The following TAFA2 variants were observed in gnomAD, a reference collection of about 807,000 sequenced individuals.
TAFA2 encodes the protein TAFA chemokine like family member 2, also known as chemokine-like protein TAFA-2.
In TAFA2, 7 loss-of-function variants were observed where a neutral mutation model predicts 18.8. The observed-to-expected ratio is 0.37, with a 90% confidence interval of 0.21 to 0.70. The LOEUF (loss-of-function observed/expected upper bound fraction) is 0.70. Among genes scored for constraint, TAFA2 ranks in the 30% least tolerant of loss-of-function variants. The pLI is 0.53. For synonymous variants in TAFA2, 60 were observed against 54.2 expected, an observed-to-expected ratio of 1.11 and a Z score of -0.47; for missense variants, 122 against 158.1, an observed-to-expected ratio of 0.77 and a Z score of 1.23.
chr12:61,940,219 A>G (rs1281615250), intron 1 of TAFA2, among the ~76,000 whole-genome samples: 1 of 152,222 alleles, frequency 6.6e-6, no homozygotes, highest in African/African-American at 2.4e-5. Flanking sequence ...GTGCAATTGC[A>G]TAAGGTCCCA....
chr12:62,251,545 A>G (rs1212824901), intron 1 of TAFA2, among the ~76,000 whole-genome samples: 1 of 152,230 alleles, frequency 6.6e-6, no homozygotes, highest in African/African-American at 2.4e-5. Context: ...AGTGCCCTGA[A>G]AGCAGACTCT....
At chr12:62,183,005 AAGAT>A (rs1331535306) in intron 1 of TAFA2, among the ~76,000 whole-genome samples, 1 of 152,214 alleles carries the variant, frequency 6.6e-6, no homozygotes, top group Non-Finnish European at 1.5e-5. Context: ...TTTGTATACT[AAGAT>A]AGCCCAAACA....
chr12:62,079,444 G>C (rs1481846411), intron 1 of TAFA2, among the ~76,000 whole-genome samples: 1 of 151,450 alleles, frequency 6.6e-6, no homozygotes, highest in African/African-American at 2.4e-5. Flanking sequence ...CCTGAGGTCA[G>C]GAGTTTGAGA....
chr12:62,170,778 C>A (rs1002193109), intron 1 of TAFA2, among the ~76,000 whole-genome samples: 7 of 152,162 alleles, frequency 4.6e-5, no homozygotes, highest in Admixed American at 1.3e-4. Context: ...TTACCTCCTT[C>A]CCACCCTCCA....
intron 1 of TAFA2, among the ~76,000 whole-genome samples, chr12:62,006,964 T>C (rs918795365): frequency 1.3e-5 from 2 of 152,204 alleles, no homozygotes; most frequent in Admixed American, 1.3e-4. Flanking sequence ...TAAGACTAAA[T>C]GGACTATATA....
chr12:61,953,875 C>G (rs955111275), intron 1 of TAFA2, among the ~76,000 whole-genome samples: 2 of 152,056 alleles, frequency 1.3e-5, no homozygotes, highest in African/African-American at 4.8e-5. Flanking sequence ...GTAGTCACCG[C>G]ACTACACAGG....
At chr12:61,929,562 G>A (rs1877463147) in intron 1 of TAFA2, among the ~76,000 whole-genome samples, 1 of 152,072 alleles carries the variant, frequency 6.6e-6, no homozygotes, top group African/African-American at 2.4e-5. Flanking sequence ...TGGTGGGACT[G>A]TAAACTAGTT....
At chr12:62,045,351 T>C (rs987681537) in intron 1 of TAFA2, among the ~76,000 whole-genome samples, 1 of 152,118 alleles carries the variant, frequency 6.6e-6, no homozygotes, top group African/African-American at 2.4e-5. Context: ...AAATACTATA[T>C]GCTTTTGGCT....
chr12:61,712,386 T>C (rs891137583), intron 4 of TAFA2, among the ~76,000 whole-genome samples: 1 of 152,172 alleles, frequency 6.6e-6, no homozygotes, highest in Admixed American at 6.6e-5. Context: ...TTTGCTCTCA[T>C]ATAATTTTGA....
At chr12:61,922,759 C>A (rs1481236926) in intron 1 of TAFA2, among the ~76,000 whole-genome samples, 1 of 152,122 alleles carries the variant, frequency 6.6e-6, no homozygotes, top group Non-Finnish European at 1.5e-5. Flanking sequence ...CCATTCACTC[C>A]CATGGAAAGG....
At position 62,038,675 on chromosome 12, in the gene TAFA2, C is replaced by T. The variant is rs1881675979; in HGVS notation, c.-2+152584G>A. Among the ~76,000 whole-genome samples, 4 of 152,026 alleles carry T rather than the reference C, an allele frequency of 2.6e-5. No individual in the cohort carries two copies. In the South Asian group the frequency reaches 8.3e-4, roughly 32 times the overall value. ...GCAATAAAATTTTTTAAAGAAAAAC[C>T]CCTAGACATACAAAAAGAAAGGGAA... is the stretch of plus-strand genomic sequence containing the variant. On this transcript the variant is annotated intron_variant, in intron 1 of 4. Transcript: ENST00000416284.
chr12:61,906,014 G>A (rs1876333380), intron 1 of TAFA2, among the ~76,000 whole-genome samples: 2 of 152,116 alleles, frequency 1.3e-5, no homozygotes, highest in South Asian at 4.1e-4. Flanking sequence ...AACAAAGAAA[G>A]TATACTAATT....
chr12:62,246,557 C>T (rs1050946620), intron 1 of TAFA2, among the ~76,000 whole-genome samples: 1 of 152,152 alleles, frequency 6.6e-6, no homozygotes, highest in Admixed American at 6.5e-5. Flanking sequence ...TGTATCTTTA[C>T]TAATTTTTGC....
chr12:62,176,644 G>A (rs983692921), intron 1 of TAFA2, among the ~76,000 whole-genome samples: 2 of 151,932 alleles, frequency 1.3e-5, no homozygotes, highest in African/African-American at 2.4e-5. Flanking sequence ...ACATAACAAC[G>A]CTTTTCATCA....
chr12:62,190,558 G>A (rs1288755143), intron 1 of TAFA2, among the ~76,000 whole-genome samples: 3 of 152,172 alleles, frequency 2.0e-5, no homozygotes, highest in Non-Finnish European at 2.9e-5. Context: ...AACGCTGTTC[G>A]TTAAGAGAAT....
intron 1 of TAFA2, among the ~76,000 whole-genome samples, chr12:62,103,698 G>A (rs987094174): frequency 7.3e-5 from 11 of 150,328 alleles, no homozygotes; most frequent in East Asian, 5.9e-4. Flanking sequence ...CCAAGATTGC[G>A]CCATTGAACT....
At chr12:62,098,766 T>A (rs1869058862) in intron 1 of TAFA2, among the ~76,000 whole-genome samples, 1 of 152,086 alleles carries the variant, frequency 6.6e-6, no homozygotes, top group South Asian at 2.1e-4. Context: ...GATATCGAAA[T>A]CCATCAGAGA....
chr12:61,884,389 G>A lies in TAFA2; in HGVS notation c.-1-16963C>T, dbSNP rs903475322. ...ACATCTCCAAAGAAAGCCCATCAAC[G>A]AGCTCTTTGGGTAATATATTTGACA... On this transcript the variant is annotated intron_variant, in intron 1 of 4. Transcript: ENST00000416284. 3.3e-5 allele frequency among the ~76,000 whole-genome samples: 5 copies of A among 152,192 alleles called. No homozygotes were observed. In the East Asian group the frequency reaches 9.6e-4, roughly 29 times the overall value.
At chr12:61,864,772 CAAAAA>C (rs34286549) in intron 2 of TAFA2, among the ~76,000 whole-genome samples, 4 of 78,408 alleles carry the variant, frequency 5.1e-5, no homozygotes, top group African/African-American at 9.8e-5. Context: ...GACTCCGTCT[CAAAAA>C]AAAAAAAAAA....
Sources: allele counts gnomAD v4.1 joint callset (sites outside exome capture counted in the v4.1 genomes callset), GRCh38; gene constraint gnomAD v4.1.1; transcripts MANE v1.5; gene names NCBI Gene and HGNC (gene_info 2026-07-23, HGNC 2026-07-21).